The following UBE3C variants were observed in gnomAD, a reference collection of about 807,000 sequenced individuals.
UBE3C encodes ubiquitin-protein ligase E3C.
Under a neutral mutation model 129.4 loss-of-function variants are expected in UBE3C, and 42 were observed. The observed-to-expected ratio is 0.32, with a 90% CI of 0.25 to 0.42. The LOEUF is 0.42. Among genes scored for constraint, UBE3C ranks in the 10% least tolerant of loss-of-function variants. The pLI is 1.00. For missense variants in UBE3C, 1,049 were observed against 1,319.1 expected (o/e 0.80, Z 3.17); for synonymous variants, 510 against 492.4 (o/e 1.04, Z -0.47).
At chr7:157,174,734 G>A (rs1367419369) in intron 4 of UBE3C, among the ~76,000 whole-genome samples, 185 bp from the exon 5 acceptor site, 1 of 152,168 alleles carries the variant, frequency 6.6e-6, no homozygotes, top group Non-Finnish European at 1.5e-5. Flanking sequence ...GTGAACCACT[G>A]TGCCTGGCTG....
intron 21 of UBE3C, among the ~76,000 whole-genome samples, chr7:157,255,267 C>T (rs183732528): frequency 3.3e-5 from 5 of 152,318 alleles, no homozygotes; most frequent in African/African-American, 9.6e-5. Flanking sequence ...ATGCCACTTA[C>T]ATCCAAATGA....
chr7:157,168,573 A>G (rs1206270871), intron 2 of UBE3C, among the ~76,000 whole-genome samples: 1 of 152,250 alleles, frequency 6.6e-6, no homozygotes, highest in Non-Finnish European at 1.5e-5. Context: ...GAGGAATTCA[A>G]CGTGGTCCAT....
chr7:157,206,611 C>T (rs1404675033), intron 11 of UBE3C, among the ~76,000 whole-genome samples: 2 of 150,822 alleles, frequency 1.3e-5, no homozygotes, highest in Non-Finnish European at 3.0e-5. Context: ...TTCTTTGAAA[C>T]AGAGTCTGGC....
chr7:157,264,654 C>A (rs532257267), intron 22 of UBE3C, among the ~76,000 whole-genome samples: 157 of 152,286 alleles, frequency 1.0e-3, no homozygotes, highest in African/African-American at 3.7e-3. Flanking sequence ...GATCTCGTCT[C>A]ACTGCAGCCT....
rs984637021 is a variant in UBE3C at position 157,168,947 on chromosome 7, G to A, written c.121-101G>A. On this transcript the variant is annotated intron_variant, in intron 2 of 22. Transcript: ENST00000348165. ...TTAAAGAATGAATTTTATGGTATGTGAATTACATAGCTGTTAGTGTTTTTA... is the reference window on the plus strand; with the variant it reads ...TTAAAGAATGAATTTTATGGTATGTAAATTACATAGCTGTTAGTGTTTTTA... 2.5e-5 allele frequency: 21 copies of A among 856,572 alleles called. No homozygotes were observed. In the African/African-American group the frequency reaches 2.9e-4, roughly 12 times the overall value. The allele number at this position is 856,572 out of a possible 1,614,324, so 53.1% of individuals were successfully genotyped here. A position where few individuals can be genotyped will look rare whatever the true frequency, so the allele number is the denominator to read the frequency against.
chr7:157,163,344 A>T (rs1808125112), intron 1 of UBE3C, among the ~76,000 whole-genome samples: 1 of 147,306 alleles, frequency 6.8e-6, no homozygotes, highest in African/African-American at 2.5e-5. Flanking sequence ...CCGAGATCAC[A>T]CCACTGCACT....
chr7:157,204,825 T>A (rs1809388317), intron 11 of UBE3C, among the ~76,000 whole-genome samples: 1 of 152,180 alleles, frequency 6.6e-6, no homozygotes, highest in African/African-American at 2.4e-5. Context: ...TGATAAATAA[T>A]CTCAAAACAG....
intron 1 of UBE3C, among the ~76,000 whole-genome samples, chr7:157,146,987 G>A (rs994471120): frequency 1.3e-5 from 2 of 152,026 alleles, no homozygotes; most frequent in African/African-American, 4.8e-5. Flanking sequence ...TGAGTCCTTC[G>A]ACTTCCTTCT....
At chr7:157,173,833 C>G (rs765428360) in intron 4 of UBE3C, among the ~76,000 whole-genome samples, 1 of 152,136 alleles carries the variant, frequency 6.6e-6, no homozygotes, top group African/African-American at 2.4e-5. Flanking sequence ...CAAGGTGGCT[C>G]CAAACACCTC....
intron 10 of UBE3C, among the ~76,000 whole-genome samples, chr7:157,199,270 A>G (rs770355548): frequency 4.6e-5 from 7 of 152,044 alleles, no homozygotes; most frequent in Non-Finnish European, 1.0e-4. Flanking sequence ...CTTTTTTCTT[A>G]CTCTTTTTTC....
intron 10 of UBE3C, among the ~76,000 whole-genome samples, chr7:157,197,359 A>G (rs952394029): frequency 3.3e-5 from 5 of 152,204 alleles, no homozygotes; most frequent in Admixed American, 2.6e-4. Context: ...TACAAATCCA[A>G]AAACTATCAA....
At chr7:157,178,145 G>A (rs1338402516) in intron 5 of UBE3C, among the ~76,000 whole-genome samples, 1 of 152,082 alleles carries the variant, frequency 6.6e-6, no homozygotes, top group Non-Finnish European at 1.5e-5. Context: ...CGGCCTGCCC[G>A]ACTGCTTGTG....
chr7:157,168,776 G>T (rs1354487478), intron 2 of UBE3C, among the ~76,000 whole-genome samples: 2 of 152,200 alleles, frequency 1.3e-5, no homozygotes, highest in Non-Finnish European at 2.9e-5. Flanking sequence ...TGATTGCCAG[G>T]GGCAAGAGAA....
At chr7:157,158,770 T>C (rs1203397972) in intron 1 of UBE3C, among the ~76,000 whole-genome samples, 2 of 152,258 alleles carry the variant, frequency 1.3e-5, no homozygotes, top group African/African-American at 2.4e-5. Flanking sequence ...GGACGTTTTT[T>C]TTCTAGCTCG....
intron 18 of UBE3C, among the ~76,000 whole-genome samples, chr7:157,245,640 A>C: frequency 6.6e-6 from 1 of 152,204 alleles, no homozygotes; most frequent in East Asian, 1.9e-4. Context: ...ATTAGTCCTC[A>C]AATCAGAAAT....
At chr7:157,146,392 T>C (rs1035689451) in intron 1 of UBE3C, among the ~76,000 whole-genome samples, 35 of 144,930 alleles carry the variant, frequency 2.4e-4, no homozygotes, top group African/African-American at 8.5e-4. Context: ...CCACCACACC[T>C]GGCTACTCTA....
intron 8 of UBE3C, 79 bp from the exon 9 acceptor site, chr7:157,183,799 A>T (rs902451019): frequency 4.9e-5 from 74 of 1,518,696 alleles, no homozygotes; most frequent in Non-Finnish European, 6.1e-5. Context: ...TCTGCGTGTG[A>T]GGAAAAATGG....
At chr7:157,217,120 C>T (rs969361275) in intron 14 of UBE3C, 149 bp downstream of exon 14, 11 of 577,626 alleles carry the variant, frequency 1.9e-5, no homozygotes, top group African/African-American at 5.7e-5. Flanking sequence ...CTAACTCTTA[C>T]GCCAACTTCT....
intron 10 of UBE3C, among the ~76,000 whole-genome samples, chr7:157,187,702 G>A (rs866582305): frequency 1.3e-5 from 2 of 151,462 alleles, no homozygotes; most frequent in African/African-American, 2.4e-5. Flanking sequence ...TCAGCCTCCC[G>A]AGTAGCTGGG....
Sources: gnomAD v4.1 joint callset for allele counts (sites outside exome capture counted in the v4.1 genomes callset) on GRCh38, gnomAD v4.1.1 for gene constraint, MANE v1.5 for transcripts, NCBI Gene and HGNC (gene_info 2026-07-23, HGNC 2026-07-21) for gene names.